The following FHAD1 variants were observed in gnomAD, a reference collection of about 807,000 sequenced individuals.
FHAD1 encodes forkhead associated phosphopeptide binding domain 1.
In FHAD1, 146 loss-of-function variants were observed where a neutral mutation model predicts 191.3. The observed-to-expected ratio is 0.76, with a 90% CI of 0.67 to 0.88. FHAD1 has a LOEUF of 0.88. FHAD1 is among the 40% of genes least tolerant of loss of function. The pLI is 0.00. For missense variants in FHAD1, 1,635 were observed against 1,785.8 expected, an observed-to-expected ratio of 0.92 and a Z score of 1.52; for synonymous variants, 616 against 672.3, an observed-to-expected ratio of 0.92 and a Z score of 1.29.
intron 2 of FHAD1, among the ~76,000 whole-genome samples, chr1:15,259,621 C>T (rs983631784): frequency 3.3e-5 from 5 of 152,164 alleles, no homozygotes; most frequent in Non-Finnish European, 7.3e-5. Context: ...AGCAGAACAG[C>T]GAAAATCACT....
At position 15,382,030 on chromosome 1, in the gene FHAD1, G is replaced by A. The variant is rs1031982987; in HGVS notation, c.4025G>A (p.Arg1342Gln). 16 of 1,551,842 alleles carry A rather than the reference G, an allele frequency of 1.0e-5. No individual in the cohort carries two copies. The highest frequency in any genetic ancestry group is 9.8e-5 in the Admixed American group (5 of 50,952). Residue 1342 changes from arginine (R) to glutamine (Q), a missense_variant and splice_region_variant, in exon 31 of 34, where the codon CGG becomes CAG. Physicochemically the swap from Arg to Gln is conservative, Grantham distance 43 (BLOSUM62 1). Coordinates refer to ENST00000688493, the MANE Select transcript of FHAD1 (RefSeq NM_001391957.1). ...CGCCATCTCTCCTGTGCACCCAGGCGGAGCAAAGTGTCCATTGAGATGTAC... is the reference window on the plus strand; with the variant it reads ...CGCCATCTCTCCTGTGCACCCAGGCAGAGCAAAGTGTCCATTGAGATGTAC... Reference protein sequence around the residue: ...GYEKDVEQLRRSKVSIEMYQS... With the variant: ...GYEKDVEQLRQSKVSIEMYQS...
At chr1:15,262,534 G>A (rs1338302049) in intron 2 of FHAD1, among the ~76,000 whole-genome samples, 1 of 152,150 alleles carries the variant, frequency 6.6e-6, no homozygotes, top group Non-Finnish European at 1.5e-5. Context: ...GCCTCACAAA[G>A]TGCTGGGATT....
chr1:15,263,247 G>A (rs1180152714), intron 2 of FHAD1, among the ~76,000 whole-genome samples: 4 of 151,906 alleles, frequency 2.6e-5, no homozygotes, highest in Non-Finnish European at 5.9e-5. Context: ...CTTCCATTCC[G>A]TAGGTTGCCT....
rs776351444 is a variant in FHAD1 at position 15,324,539 on chromosome 1, T to C, written c.1453T>C (p.Leu485=). ...CAGAGAGAGCGTCATTAAAATCAAT[T>C]TGGAGAGGGCAGTAGGTCAGGTAGG... ...GNRESVIKIN[L]ERAVGQLEHF... The change falls in exon 11 of 34, where the codon TTG becomes CTG. Residue 485 remains leucine (L), a synonymous_variant. Coordinates refer to ENST00000688493, the MANE Select transcript of FHAD1 (RefSeq NM_001391957.1). 3.0e-5 allele frequency: 46 copies of C among 1,551,588 alleles called. No individual in the cohort carries two copies. The highest frequency in any genetic ancestry group is 1.2e-4 in the Admixed American group (6 of 50,970).
At position 15,329,765 on chromosome 1, in the gene FHAD1, A is replaced by C; in HGVS notation, c.1906+224A>C. ...TAACTGAAGAAAAATGAAACAAAAC[A>C]GAGGCAAAAGGAAAATTAAATCGAA... On this transcript the variant is annotated intron_variant, in intron 14 of 33. Coordinates refer to ENST00000688493, the MANE Select transcript of FHAD1 (RefSeq NM_001391957.1). The surrounding 1 kb of genome is among the most constrained non-coding windows in gnomAD (Gnocchi z 5.0). The C allele has an allele frequency of 4.0e-6, 2 of 498,278 alleles. No homozygotes were observed. Among genetic ancestry groups the C allele is most frequent in the Non-Finnish European group, 7.2e-6 (2 of 277,418 alleles). The allele number at this position is 498,278 out of a possible 1,614,324, so 30.9% of individuals were successfully genotyped here. A position where few individuals can be genotyped will look rare whatever the true frequency, so the allele number is the denominator to read the frequency against.
intron 23 of FHAD1, among the ~76,000 whole-genome samples, chr1:15,365,131 TC>T (rs942236821): frequency 2.0e-5 from 3 of 152,138 alleles, no homozygotes; most frequent in Non-Finnish European, 4.4e-5. Flanking sequence ...CACATTGTCT[TC>T]CTCTCTTTTT....
rs1677514556 is a variant in FHAD1 at position 15,324,487 on chromosome 1, A to C, written c.1401A>C (p.Lys467Asn). 1 of 1,552,244 alleles carries C rather than the reference A, an allele frequency of 6.4e-7. No homozygotes were observed. Among genetic ancestry groups the C allele is most frequent in the South Asian group, 1.2e-5 (1 of 84,058 alleles). ...EEKLQEDSRRKLLQLQEMGNR... is the reference protein window; with the variant it reads ...EEKLQEDSRRNLLQLQEMGNR... Reference sequence around the variant, plus strand: ...AGCTTCAGGAGGATTCCAGAAGGAAATTGCTTCAGCTGCAAGAAATGGGGA... The same window carrying C: ...AGCTTCAGGAGGATTCCAGAAGGAACTTGCTTCAGCTGCAAGAAATGGGGA... Residue 467 changes from lysine (K) to asparagine (N), a missense_variant, in exon 11 of 34, where the codon AAA becomes AAC. Lys to Asn is a moderately conservative substitution (Grantham distance 94). Transcript: ENST00000688493.
At chr1:15,359,874 C>T (rs571906245) in intron 21 of FHAD1, among the ~76,000 whole-genome samples, 6 of 152,062 alleles carry the variant, frequency 3.9e-5, no homozygotes, top group Middle Eastern at 3.4e-3. Context: ...AGTGTGAACC[C>T]GGGAGGCGGA....
chr1:15,356,517 G>A (rs1692855346), intron 20 of FHAD1, among the ~76,000 whole-genome samples: 1 of 152,180 alleles, frequency 6.6e-6, no homozygotes, highest in Admixed American at 6.5e-5. Flanking sequence ...ACGTGACCCA[G>A]GCCACACAGC....
intron 2 of FHAD1, among the ~76,000 whole-genome samples, chr1:15,264,580 T>A (rs1489545274): frequency 1.5e-5 from 2 of 131,402 alleles, no homozygotes; most frequent in South Asian, 2.5e-4. Flanking sequence ...GTGTGTGTGA[T>A]CTTTAGGGCT....
chr1:15,306,688 A>AAGCTTTTGC, intron 6 of FHAD1, among the ~76,000 whole-genome samples: 1 of 152,354 alleles, frequency 6.6e-6, no homozygotes, highest in Non-Finnish European at 1.5e-5. Flanking sequence ...TGGAAGCCCC[A>AAGCTTTTGC]AGCTTTTGCA....
intron 32 of FHAD1, among the ~76,000 whole-genome samples, chr1:15,390,143 C>T (rs982942453): frequency 6.6e-6 from 1 of 151,980 alleles, no homozygotes; most frequent in African/African-American, 2.4e-5. Flanking sequence ...GTCAGGAGTT[C>T]CAGACCAGCC....
chr1:15,261,687 T>C lies in FHAD1; in HGVS notation c.93+9810T>C, dbSNP rs377240977. Among the ~76,000 whole-genome samples, 602 of 152,280 alleles carry C rather than the reference T, an allele frequency of 4.0e-3. 16 individuals carry two copies. The South Asian group carries it at 0.078, about 20-fold the overall frequency. On this transcript the variant is annotated intron_variant, in intron 2 of 33. Transcript: ENST00000688493. The stretch of plus-strand genomic sequence containing the variant: ...CGACAAACTTCCTCTTTCCCTCTGC[T>C]CCCAGACTCACAGTCTTACCAGAGC...
At chr1:15,343,915 G>A (rs1014380371) in intron 16 of FHAD1, 1 of 152,178 alleles carries the variant, frequency 6.6e-6, no homozygotes, top group African/African-American at 2.4e-5. Context: ...CCTTGTCAGG[G>A]TTTGGTATTT....
chr1:15,380,045 C>T (rs1383539287), intron 28 of FHAD1, among the ~76,000 whole-genome samples: 1 of 152,224 alleles, frequency 6.6e-6, no homozygotes, highest in African/African-American at 2.4e-5. Flanking sequence ...CCAGTTTCCG[C>T]TGCGTGAAAA....
At chr1:15,331,520 AT>A (rs1681491918) in intron 14 of FHAD1, among the ~76,000 whole-genome samples, 1 of 128,160 alleles carries the variant, frequency 7.8e-6, no homozygotes, top group African/African-American at 2.9e-5. Flanking sequence ...GGATGGATGG[AT>A]GGATGGATGA....
At chr1:15,372,013 G>A (rs1333266010) in intron 26 of FHAD1, among the ~76,000 whole-genome samples, 1 of 152,206 alleles carries the variant, frequency 6.6e-6, no homozygotes, top group East Asian at 1.9e-4. Flanking sequence ...TGCTCTCACG[G>A]AGCCTGTCAT....
intron 10 of FHAD1, among the ~76,000 whole-genome samples, 200 bp from the exon 11 acceptor site, chr1:15,324,252 G>A (rs745955814): frequency 5.3e-5 from 8 of 152,074 alleles, no homozygotes; most frequent in Non-Finnish European, 1.0e-4. Flanking sequence ...CCAGGGTGCA[G>A]AGCCCAGCCC....
At chr1:15,252,017 A>G (rs41269433) in intron 2 of FHAD1, 140 bp downstream of exon 2, 59,003 of 714,736 alleles carry the variant, frequency 0.083, 3,231 homozygotes, top group South Asian at 0.2. Flanking sequence ...TTGGTGTGCT[A>G]CCAATAGCCA....
Sources: gnomAD v4.1 joint callset for allele counts (sites outside exome capture counted in the v4.1 genomes callset) on GRCh38, gnomAD v4.1.1 for gene constraint, Gnocchi (gnomAD v3.1) non-coding constraint, MANE v1.5 for transcripts, NCBI Gene and HGNC (gene_info 2026-07-23, HGNC 2026-07-21) for gene names.